The following ZFYVE16 variants were observed in gnomAD, a reference collection of about 807,000 sequenced individuals.
ZFYVE16 encodes zinc finger FYVE-type containing 16.
ZFYVE16 carries 89 observed loss-of-function variants against 138.1 expected under a neutral mutation model. The ratio of observed to expected loss-of-function variants is 0.64; its 90% confidence interval spans 0.54 to 0.77. ZFYVE16 has a LOEUF of 0.77. ZFYVE16 is among the 30% of genes least tolerant of loss of function. The probability of loss-of-function intolerance (pLI) is 0.00; values close to 1 mark genes in which losing one functional copy is unlikely to be tolerated. For synonymous variants in ZFYVE16, 596 were observed against 618.3 expected (o/e 0.96, Z 0.53); for missense variants, 1,793 against 1,786.7 (o/e 1.00, Z -0.06).
intron 1 of ZFYVE16, among the ~76,000 whole-genome samples, chr5:80,421,223 G>T (rs377173688): frequency 1.3e-5 from 2 of 152,058 alleles, no homozygotes; most frequent in Non-Finnish European, 2.9e-5. Flanking sequence ...TAGATTGCAA[G>T]AATTTTCTCC....
chr5:80,447,421 C>T (rs1751498644), intron 7 of ZFYVE16, among the ~76,000 whole-genome samples: 3 of 152,124 alleles, frequency 2.0e-5, no homozygotes, highest in Admixed American at 2.0e-4. Flanking sequence ...TCCTAGCTAG[C>T]ACGCACTGTC....
At chr5:80,431,091 G>T (rs1315680699) in intron 2 of ZFYVE16, among the ~76,000 whole-genome samples, 1 of 152,098 alleles carries the variant, frequency 6.6e-6, no homozygotes, top group Admixed American at 6.5e-5. Context: ...CATTTTATGA[G>T]GCCAGCATCA....
At chr5:80,446,031 G>A (rs1213918650) in intron 7 of ZFYVE16, among the ~76,000 whole-genome samples, 1 of 151,690 alleles carries the variant, frequency 6.6e-6, no homozygotes, top group Non-Finnish European at 1.5e-5. Context: ...GAGTAGCTGG[G>A]ATTACAGGCA....
intron 1 of ZFYVE16, among the ~76,000 whole-genome samples, chr5:80,414,379 G>A (rs1242049617): frequency 6.6e-6 from 1 of 152,084 alleles, no homozygotes; most frequent in Non-Finnish European, 1.5e-5. Context: ...TGTCTCTTCT[G>A]TGTGGGTAGC....
At position 80,445,404 on chromosome 5, in the gene ZFYVE16, T is replaced by C. The variant is rs754735866; in HGVS notation, c.2723T>C (p.Met908Thr). The change falls in exon 7 of 19, where the codon ATG becomes ACG. Residue 908 changes from methionine (M) to threonine (T), a missense_variant and splice_region_variant. By Grantham distance (81) the Met-to-Thr change is moderately conservative. Coordinates refer to ENST00000505560, the MANE Select transcript of ZFYVE16 (RefSeq NM_001284236.3). ...DFSPLSPDVP[M>T]TVNTVDHSHS... ...AGTCCTCTCTCACCTGATGTGCCTA[T>C]GGTAAGGAATTCAAAGAATAACTTA... 11 of 1,608,012 alleles carry C rather than the reference T, an allele frequency of 6.8e-6. No individual in the cohort carries two copies. The highest frequency in any genetic ancestry group is 9.3e-6 in the Non-Finnish European group (11 of 1,178,364).
intron 6 of ZFYVE16, among the ~76,000 whole-genome samples, chr5:80,444,942 A>G (rs781486989): frequency 1.1e-4 from 16 of 152,156 alleles, no homozygotes; most frequent in Non-Finnish European, 1.9e-4. Flanking sequence ...AATCTCTCCT[A>G]TCTACTCCTC....
At chr5:80,430,252 G>A (rs1748794999) in intron 2 of ZFYVE16, among the ~76,000 whole-genome samples, 1 of 152,054 alleles carries the variant, frequency 6.6e-6, no homozygotes, top group Admixed American at 6.6e-5. Context: ...TCAGACCACA[G>A]TGCAATCAAA....
chr5:80,421,177 T>G (rs531811694), intron 1 of ZFYVE16, among the ~76,000 whole-genome samples: 3 of 152,308 alleles, frequency 2.0e-5, no homozygotes, highest in African/African-American at 7.2e-5. Flanking sequence ...TTTGAGTTCT[T>G]TGTAGATTCT....
intron 10 of ZFYVE16, 85 bp downstream of exon 10, chr5:80,450,671 A>C (rs1751892666): frequency 7.6e-7 from 1 of 1,317,538 alleles, no homozygotes; most frequent in Non-Finnish European, 1.0e-6. Context: ...TGCTAGCTAT[A>C]CTAAAGATTT....
chr5:80,428,581 C>T (rs577028839), intron 2 of ZFYVE16, among the ~76,000 whole-genome samples: 13 of 152,290 alleles, frequency 8.5e-5, no homozygotes, highest in Middle Eastern at 3.4e-3. Context: ...AGTTCCTCAC[C>T]GGCAATGGAA....
intron 4 of ZFYVE16, 108 bp from the exon 5 acceptor site, chr5:80,439,828 T>G (rs1244762643): frequency 4.4e-6 from 3 of 676,774 alleles, no homozygotes; most frequent in Non-Finnish European, 6.9e-6. Flanking sequence ...ATTTATACAA[T>G]AAGGAAAAAG....
chr5:80,471,186 C>T (rs920002555), intron 15 of ZFYVE16, among the ~76,000 whole-genome samples: 5 of 152,198 alleles, frequency 3.3e-5, no homozygotes, highest in African/African-American at 4.8e-5. Flanking sequence ...AATCTTGCCA[C>T]GGCTCTTTTA....
rs753285259 is a variant in ZFYVE16, at chr5:80,474,716, G to T, written c.4347G>T (p.Gln1449His). 1.9e-6 allele frequency: 3 copies of T among 1,613,794 alleles called. No individual in the cohort carries two copies. The Admixed American group carries it at 5.0e-5, about 27-fold the overall frequency. Residue 1449 changes from glutamine (Q) to histidine (H), a missense_variant, in exon 18 of 19, where the codon CAG becomes CAT. By Grantham distance (24) the Gln-to-His change is conservative. Coordinates refer to ENST00000505560, the MANE Select transcript of ZFYVE16 (RefSeq NM_001284236.3). ...QDLSILSTSY[Q>H]FAKEIAMACS... ...TATCTATTTTATCAACTTCTTATCA[G>T]TTTGCAAAAGAAATAGCCATGGCTT...
chr5:80,477,332 A>T lies in ZFYVE16; in HGVS notation c.4575A>T (p.Pro1525=). The change falls in exon 19 of 19, where the codon CCA becomes CCT. Residue 1525 remains proline, a synonymous_variant. Coordinates refer to ENST00000505560, the MANE Select transcript of ZFYVE16 (RefSeq NM_001284236.3). ...IHGGTSNSSL[P]LEIELVFFII... The stretch of plus-strand genomic sequence containing the variant: ...GTGGGACCTCCAACTCTAGTTTACC[A>T]TTAGAAATAGAATTAGTGTTTTTCA... 1 of 1,609,566 alleles carries T rather than the reference A, an allele frequency of 6.2e-7. No individual in the cohort carries two copies. Among genetic ancestry groups the T allele is most frequent in the Non-Finnish European group, 8.5e-7 (1 of 1,178,424 alleles).
At position 80,441,972 on chromosome 5, in the gene ZFYVE16, A is replaced by G. The variant is rs1279058938; in HGVS notation, c.2420-1151A>G. On this transcript the variant is annotated intron_variant, in intron 5 of 18. Coordinates refer to ENST00000505560, the MANE Select transcript of ZFYVE16 (RefSeq NM_001284236.3). The stretch of plus-strand genomic sequence containing the variant: ...TCAAGCAGAGAGCAAAATAGAAGCT[A>G]TATTCTCATGAAATTTATGAATGTA... 3 of 951,512 alleles carry G rather than the reference A, an allele frequency of 3.2e-6. No homozygotes were observed. The African/African-American group carries it at 5.3e-5, about 17-fold the overall frequency. The allele number at this position is 951,512 out of a possible 1,614,324, so 58.9% of individuals were successfully genotyped here.
At position 80,480,903 on chromosome 5, in the gene ZFYVE16, A is replaced by G. The variant is rs1054174585; in HGVS notation, c.*3526A>G. 2.0e-5 allele frequency among the ~76,000 whole-genome samples: 3 copies of G among 152,210 alleles called. No homozygotes were observed. The highest frequency in any genetic ancestry group is 2.9e-5 in the Non-Finnish European group (2 of 68,032). On this transcript the variant is annotated 3_prime_UTR_variant, in exon 19 of 19. Coordinates refer to ENST00000505560, the MANE Select transcript of ZFYVE16 (RefSeq NM_001284236.3). ...CAACAGAGCAAAACCTTGTCTCAAA[A>G]AAAAGGAAAAAGAAAAAAGACATTT... is the stretch of plus-strand genomic sequence containing the variant.
At chr5:80,470,187 C>T (rs1315114344) in intron 15 of ZFYVE16, among the ~76,000 whole-genome samples, 1 of 149,532 alleles carries the variant, frequency 6.7e-6, no homozygotes, top group Non-Finnish European at 1.5e-5. Flanking sequence ...CTGGAAGCTC[C>T]ACCTCCTGGG....
Position 80,468,479 on chromosome 5 carries a change from T to C in ZFYVE16, c.4025-4282T>C, listed in dbSNP as rs1465318246. On this transcript the variant is annotated intron_variant, in intron 15 of 18. Coordinates refer to ENST00000505560, the MANE Select transcript of ZFYVE16 (RefSeq NM_001284236.3). ...CCATTCTGAATATGGTAGACAGTTA[T>C]AATATGATGGCATTTGTGTATCTAA... Among the ~76,000 whole-genome samples, 5 of 152,350 alleles carry C rather than the reference T, an allele frequency of 3.3e-5. No homozygotes were observed. In the South Asian group the frequency reaches 6.2e-4, roughly 19 times the overall value.
rs1194934154 is a variant in ZFYVE16 at position 80,438,979 on chromosome 5, G to A, written c.2294G>A (p.Arg765Gln). ...CAAGTCAAATTTACTTTTACCAAAC[G>A]GCGACACCATTGCCGAGCATGTGGG... is the stretch of plus-strand genomic sequence containing the variant. ...NCQVKFTFTK[R>Q]RHHCRACGKV... The change falls in exon 4 of 19, where the codon CGG (arginine) becomes CAG (glutamine). Residue 765 changes from arginine to glutamine, a missense_variant. Physicochemically the swap from Arg to Gln is conservative, Grantham distance 43. This residue lies in a region of ZFYVE16 where 1,295 missense variants were observed against 1,204.3 expected (regional missense o/e 1.08). Transcript: ENST00000505560. 5 of 1,612,200 alleles carry A rather than the reference G, an allele frequency of 3.1e-6. No individual in the cohort carries two copies. The highest frequency in any genetic ancestry group is 2.2e-5 in the East Asian group (1 of 44,844).
Sources: gnomAD v4.1 joint callset for allele counts (sites outside exome capture counted in the v4.1 genomes callset) on GRCh38, gnomAD v4.1.1 for gene constraint, gnomAD v4.1.1 regional missense constraint, MANE v1.5 for transcripts, NCBI Gene and HGNC (gene_info 2026-07-23, HGNC 2026-07-21) for gene names.